Variants in ZYG11B observed in about 807,000 individuals in gnomAD.
ZYG11B encodes the protein zyg-11 family member B, cell cycle regulator, also known as protein zyg-11 homolog B.
Under a neutral mutation model 82.4 loss-of-function variants are expected in ZYG11B, and 36 were observed. That is an observed-to-expected ratio of 0.44 (90% CI 0.33 to 0.58). ZYG11B has a LOEUF of 0.58. Ranked by LOEUF, ZYG11B falls within the 20% of genes least tolerant of loss-of-function variation. The pLI is 0.02. For missense variants in ZYG11B, 552 were observed against 895.6 expected (o/e 0.62, Z 4.90); for synonymous variants, 303 against 312.8 (o/e 0.97, Z 0.33).
chr1:52,805,429 A>C (rs1371213115), intron 10 of ZYG11B: 2 of 455,476 alleles, frequency 4.4e-6, no homozygotes, highest in Non-Finnish European at 8.8e-6. Context: ...CCAGTAATAG[A>C]GGAATTATTA....
intron 1 of ZYG11B, among the ~76,000 whole-genome samples, chr1:52,746,199 G>A (rs953079078): frequency 4.6e-5 from 7 of 151,440 alleles, no homozygotes; most frequent in African/African-American, 1.5e-4. Context: ...TGATCCACCC[G>A]CCTTGGCCCC....
chr1:52,751,350 GC>G (rs1357377724), intron 1 of ZYG11B, among the ~76,000 whole-genome samples: 3 of 123,872 alleles, frequency 2.4e-5, no homozygotes, highest in East Asian at 2.8e-4. Flanking sequence ...AAAAAAAATA[GC>G]CAGCGCGGTG....
intron 1 of ZYG11B, among the ~76,000 whole-genome samples, chr1:52,744,296 A>G (rs1174346615): frequency 2.6e-5 from 4 of 152,138 alleles, no homozygotes; most frequent in Admixed American, 6.6e-5. Flanking sequence ...ACAGTTGCCT[A>G]CAGTATTCAG....
intron 8 of ZYG11B, 85 bp downstream of exon 8, chr1:52,796,869 T>A (rs188977326): frequency 3.7e-4 from 65 of 173,456 alleles, no homozygotes; most frequent in South Asian, 1.5e-3. Flanking sequence ...CTGACATTTT[T>A]TATATATATA....
At chr1:52,751,683 G>A (rs1037099974) in intron 1 of ZYG11B, among the ~76,000 whole-genome samples, 3 of 151,998 alleles carry the variant, frequency 2.0e-5, no homozygotes, top group African/African-American at 4.8e-5. Context: ...CCTGTTTCTT[G>A]CACGTTAGCT....
intron 13 of ZYG11B, among the ~76,000 whole-genome samples, chr1:52,819,706 G>T (rs969167234): frequency 6.7e-6 from 1 of 150,342 alleles, no homozygotes; most frequent in Non-Finnish European, 1.5e-5. Context: ...AAAATCACTT[G>T]AACTGGGAGG....
chr1:52,800,635 G>A (rs1047022683), intron 8 of ZYG11B, among the ~76,000 whole-genome samples: 21 of 151,854 alleles, frequency 1.4e-4, no homozygotes, highest in Middle Eastern at 3.4e-3. Flanking sequence ...ATGGTGAAAC[G>A]CCATCTCTAC....
chr1:52,824,750 T>C lies in ZYG11B; in HGVS notation c.*3121T>C, dbSNP rs1285199609. On this transcript the variant is annotated 3_prime_UTR_variant, in exon 14 of 14. Transcript: ENST00000294353. ...CGTATAGAATTAAGGCACAGAATTG[T>C]GTGTAAGGTCCTGAATCTGGCTAAA... The C allele has an allele frequency of 1.3e-5, 2 of 152,132 alleles. No homozygotes were observed. The highest frequency in any genetic ancestry group is 2.9e-5 in the Non-Finnish European group (2 of 68,030). The allele number at this position is 152,132 out of a possible 1,614,324, so 9.4% of individuals were successfully genotyped here. A position where few individuals can be genotyped will look rare whatever the true frequency, so the allele number is the denominator to read the frequency against.
intron 4 of ZYG11B, among the ~76,000 whole-genome samples, chr1:52,784,344 A>G (rs1265736439): frequency 6.6e-6 from 1 of 152,208 alleles, no homozygotes; most frequent in Non-Finnish European, 1.5e-5. Flanking sequence ...CATGTTGCCC[A>G]GGCTGGCAGT....
At chr1:52,746,439 A>G (rs1644476978) in intron 1 of ZYG11B, among the ~76,000 whole-genome samples, 1 of 152,102 alleles carries the variant, frequency 6.6e-6, no homozygotes, top group African/African-American at 2.4e-5. Flanking sequence ...CCCTTTCTGT[A>G]TCCCCCAAAC....
chr1:52,803,225 CACACATATAT>C (rs1645105728), intron 10 of ZYG11B, among the ~76,000 whole-genome samples: 4 of 56,748 alleles, frequency 7.0e-5, no homozygotes, highest in Non-Finnish European at 8.2e-5. Context: ...TATATATATA[CACACATATAT>C]ATATACACAC....
At chr1:52,773,053 C>T (rs1289055907) in intron 3 of ZYG11B, among the ~76,000 whole-genome samples, 1 of 152,082 alleles carries the variant, frequency 6.6e-6, no homozygotes, top group Non-Finnish European at 1.5e-5. Flanking sequence ...AGTGGAAGAT[C>T]AAGTTTTCTA....
intron 10 of ZYG11B, among the ~76,000 whole-genome samples, chr1:52,809,049 T>C (rs1452642254): frequency 2.6e-5 from 4 of 152,210 alleles, no homozygotes; most frequent in African/African-American, 9.6e-5. Flanking sequence ...TTAGTATCTG[T>C]GTCAGTTCAG....
At chr1:52,750,136 C>T (rs1001123097) in intron 1 of ZYG11B, among the ~76,000 whole-genome samples, 1 of 152,076 alleles carries the variant, frequency 6.6e-6, no homozygotes, top group East Asian at 1.9e-4. Context: ...CTTGCTCTGT[C>T]ACCCAGGCAG....
intron 8 of ZYG11B, among the ~76,000 whole-genome samples, chr1:52,801,577 C>T (rs555404946): frequency 6.6e-6 from 1 of 151,974 alleles, no homozygotes; most frequent in Admixed American, 6.6e-5. Flanking sequence ...AATCATTTTG[C>T]CTATGTTATT....
At chr1:52,739,069 C>A (rs1644401678) in intron 1 of ZYG11B, among the ~76,000 whole-genome samples, 1 of 144,054 alleles carries the variant, frequency 6.9e-6, no homozygotes, top group South Asian at 2.2e-4. Flanking sequence ...GCCACCTCCA[C>A]CTCCGCCTCC....
In ZYG11B at chr1:52,726,621, C is replaced by T. The variant is rs550531572; in HGVS notation, c.-33C>T. The T allele has an allele frequency of 5.3e-5, 75 of 1,424,224 alleles. No homozygotes were observed. In the South Asian group the frequency reaches 9.8e-4, roughly 19 times the overall value. 88.2% of individuals were successfully genotyped at this position (1,424,224 alleles called of 1,614,324 possible). On this transcript the variant is annotated 5_prime_UTR_variant, in exon 1 of 14. Transcript: ENST00000294353. ...GCTCAGCCTGGGGGCGGGCTCCGGT[C>T]CGGCCCGCCGCCGCACCCAGGACGG...
At chr1:52,779,734 C>G in intron 3 of ZYG11B, 119 bp from the exon 4 acceptor site, 1 of 1,229,470 alleles carries the variant, frequency 8.1e-7, no homozygotes, top group South Asian at 1.6e-5. Flanking sequence ...ACATGATCCA[C>G]CCACCTTGGC....
chr1:52,818,931 C>G (rs550805106), intron 13 of ZYG11B, among the ~76,000 whole-genome samples: 1 of 151,882 alleles, frequency 6.6e-6, no homozygotes, highest in Non-Finnish European at 1.5e-5. Context: ...GTAACTGGGA[C>G]TACAGGAACA....
Sources: gnomAD v4.1 joint callset for allele counts (sites outside exome capture counted in the v4.1 genomes callset) on GRCh38, gnomAD v4.1.1 for gene constraint, MANE v1.5 for transcripts, NCBI Gene and HGNC (gene_info 2026-07-23, HGNC 2026-07-21) for gene names.